Variants in WDFY4 observed in about 807,000 individuals in gnomAD.
WDFY4 encodes WD repeat- and FYVE domain-containing protein 4.
In WDFY4, 169 loss-of-function variants were observed where a neutral mutation model predicts 351.9. The observed-to-expected ratio is 0.48, with a 90% confidence interval of 0.42 to 0.55. WDFY4 has a LOEUF of 0.55. Ranked by LOEUF, WDFY4 falls within the 20% of genes least tolerant of loss-of-function variation. The pLI, the probability that WDFY4 is intolerant of heterozygous loss-of-function variation, is 0.00. For missense variants in WDFY4, 3,803 were observed against 3,935.6 expected (o/e 0.97, Z 0.90); for synonymous variants, 1,622 against 1,574.6 (o/e 1.03, Z -0.71).
At chr10:48,931,063 G>C (rs1048644410) in intron 47 of WDFY4, among the ~76,000 whole-genome samples, 1 of 149,202 alleles carries the variant, frequency 6.7e-6, no homozygotes, top group Non-Finnish European at 1.5e-5. Flanking sequence ...GAAAAAAAAG[G>C]TACAAACACA....
intron 1 of WDFY4, among the ~76,000 whole-genome samples, chr10:48,689,575 T>G (rs755652476): frequency 3.3e-5 from 5 of 152,260 alleles, no homozygotes. Flanking sequence ...TTAAAATGTG[T>G]CTACCAGAAA....
intron 11 of WDFY4, among the ~76,000 whole-genome samples, chr10:48,739,366 G>A (rs1241202050): frequency 6.6e-6 from 1 of 152,148 alleles, no homozygotes; most frequent in African/African-American, 2.4e-5. Context: ...GTCAACCCCA[G>A]CCTGATTACT....
chr10:48,970,379 G>T (rs1341114835), intron 57 of WDFY4, 90 bp downstream of exon 57: 1 of 1,485,526 alleles, frequency 6.7e-7, no homozygotes, highest in Non-Finnish European at 9.0e-7. Flanking sequence ...CACCTGGGCA[G>T]GTGTGGTGCC....
chr10:48,971,461 A>G (rs1266705275), intron 57 of WDFY4, among the ~76,000 whole-genome samples: 1 of 150,776 alleles, frequency 6.6e-6, no homozygotes, highest in African/African-American at 2.4e-5. Context: ...GCGCCACTAC[A>G]CTCCAGCCTG....
At chr10:48,881,398 GTC>G (rs1010678284) in intron 43 of WDFY4, among the ~76,000 whole-genome samples, 1 of 152,208 alleles carries the variant, frequency 6.6e-6, no homozygotes, top group African/African-American at 2.4e-5. Flanking sequence ...GTCTCCATGG[GTC>G]TGGTTGTCCT....
At chr10:48,887,392 G>A (rs2070502588) in intron 43 of WDFY4, among the ~76,000 whole-genome samples, 1 of 152,234 alleles carries the variant, frequency 6.6e-6, no homozygotes, top group Non-Finnish European at 1.5e-5. Flanking sequence ...TGGTGGGAGT[G>A]TAAATTAGTG....
Position 48,982,675 on chromosome 10 carries a change from C to T in WDFY4, c.*100C>T, listed in dbSNP as rs750358195. On this transcript the variant is annotated 3_prime_UTR_variant, in exon 62 of 62. Transcript: ENST00000325239. ...CTGCCTACAGAAGAAACCCCCAGGG[C>T]CTCCTTCCCCACAGTTCTCAAGGAA... 10 of 1,213,174 alleles carry T rather than the reference C, an allele frequency of 8.2e-6. No homozygotes were observed. The highest frequency in any genetic ancestry group is 2.0e-5 in the Admixed American group (1 of 48,888). 75.2% of individuals were successfully genotyped at this position (1,213,174 alleles called of 1,614,324 possible).
intron 39 of WDFY4, among the ~76,000 whole-genome samples, chr10:48,853,860 A>G (rs952020556): frequency 6.6e-6 from 1 of 152,262 alleles, no homozygotes; most frequent in Non-Finnish European, 1.5e-5. Context: ...TAGGCTCTAC[A>G]AAGCCAGGTG....
intron 39 of WDFY4, among the ~76,000 whole-genome samples, chr10:48,833,178 A>T (rs1430688836): frequency 6.2e-5 from 9 of 144,164 alleles, no homozygotes; most frequent in African/African-American, 1.1e-4. Flanking sequence ...TGTGTGAGAG[A>T]GAGAGAGAGA....
At chr10:48,847,381 T>TG (rs1256522078) in intron 39 of WDFY4, among the ~76,000 whole-genome samples, 2 of 152,210 alleles carry the variant, frequency 1.3e-5, no homozygotes, top group East Asian at 1.9e-4. Context: ...ACATATGAAT[T>TG]GGGGGGAACA....
intron 57 of WDFY4, among the ~76,000 whole-genome samples, chr10:48,974,527 A>AAAAAAAAAAAAAAAACAAC: frequency 2.2e-4 from 5 of 23,146 alleles, no homozygotes; most frequent in African/African-American, 3.6e-4. Context: ...AAAAAAAAAA[A>AAAAAAAAAAAAAAAACAAC]AACAACTCAT....
chr10:48,981,508 C>T (rs914605733), intron 61 of WDFY4, 30 bp downstream of exon 61: 78 of 1,546,478 alleles, frequency 5.0e-5, no homozygotes, highest in Non-Finnish European at 6.5e-5. Context: ...TCTGGGTCTC[C>T]AGCAGAGGGC....
chr10:48,981,701 C>A (rs1028706264), intron 61 of WDFY4, among the ~76,000 whole-genome samples: 1 of 152,232 alleles, frequency 6.6e-6, no homozygotes, highest in Non-Finnish European at 1.5e-5. Context: ...CTCACACATG[C>A]CCTTGCTCTC....
At chr10:48,913,442 G>A (rs770338333) in intron 47 of WDFY4, 1 of 1,613,340 alleles carries the variant, frequency 6.2e-7, no homozygotes, top group Non-Finnish European at 8.5e-7. Flanking sequence ...AGATCAGATT[G>A]GGAAAGATGG....
At position 48,775,744 on chromosome 10, in the gene WDFY4, T is replaced by G; in HGVS notation, c.2801T>G (p.Leu934Arg). Residue 934 changes from leucine to arginine, a missense_variant, in exon 15 of 62, where the codon CTG becomes CGG. Leu to Arg is a moderately radical substitution (Grantham distance 102). Transcript: ENST00000325239. ...QFLGLGIPSS[L>R]SATTKILDSS... ...CTAGGTCTTGGAATTCCCTCATCTC[T>G]GTCGGCCACAACAAAAATCCTTGAT... The G allele has an allele frequency of 6.4e-7, 1 of 1,551,752 alleles. No individual in the cohort carries two copies. The highest frequency in any genetic ancestry group is 8.7e-7 in the Non-Finnish European group (1 of 1,146,998).
intron 30 of WDFY4, 24 bp downstream of exon 30, chr10:48,811,732 G>A: frequency 6.5e-7 from 1 of 1,548,208 alleles, no homozygotes; most frequent in African/African-American, 1.4e-5. Context: ...GCACCCACAG[G>A]GTGACACACT....
At chr10:48,964,788 A>G (rs1842005273) in intron 54 of WDFY4, among the ~76,000 whole-genome samples, 1 of 152,206 alleles carries the variant, frequency 6.6e-6, no homozygotes, top group East Asian at 1.9e-4. Context: ...GTGCTTATTT[A>G]ATTGATTCTG....
Position 48,778,750 on chromosome 10 carries a change from C to T in WDFY4, c.3315C>T (p.Pro1105=). Residue 1105 remains proline (P), a synonymous_variant, in exon 18 of 62, where the codon CCC becomes CCT. Transcript: ENST00000325239. ...GCCACCTGGCCAGGACTGAGCAACC[C>T]TTTGTTTGCTTCTCCGTCAGCCTCT... The part of the protein sequence containing the change: ...LVRHLARTEQ[P]FVCFSVSLCP... 6.4e-7 allele frequency: 1 copy of T among 1,551,658 alleles called. No homozygotes were observed. The highest frequency in any genetic ancestry group is 8.7e-7 in the Non-Finnish European group (1 of 1,147,016).
At chr10:48,760,013 C>T (rs1451048425) in intron 12 of WDFY4, among the ~76,000 whole-genome samples, 1 of 151,736 alleles carries the variant, frequency 6.6e-6, no homozygotes, top group Non-Finnish European at 1.5e-5. Context: ...TGTGTGTGTT[C>T]AATATGAAAC....
Sources: gnomAD v4.1 joint callset for allele counts (sites outside exome capture counted in the v4.1 genomes callset) on GRCh38, gnomAD v4.1.1 for gene constraint, MANE v1.5 for transcripts, NCBI Gene and HGNC (gene_info 2026-07-23, HGNC 2026-07-21) for gene names.